FMN1: variants seen among roughly 807,000 people sequenced by gnomAD.
The protein encoded by FMN1 is formin-1.
Under a neutral mutation model 132.4 loss-of-function variants are expected in FMN1, and 110 were observed. The observed-to-expected ratio is 0.83, with a 90% CI of 0.71 to 0.97. The LOEUF (loss-of-function observed/expected upper bound fraction) is 0.97, where lower values mean the gene tolerates loss of function less well. Ranked by LOEUF, FMN1 falls within the 50% of genes least tolerant of loss-of-function variation. The pLI is 0.00. For missense variants in FMN1, 1,792 were observed against 1,705.3 expected, an observed-to-expected ratio of 1.05 and a Z score of -0.90; for synonymous variants, 722 against 651.7, an observed-to-expected ratio of 1.11 and a Z score of -1.64.
chr15:33,032,158 G>A (rs1431601704), intron 6 of FMN1, among the ~76,000 whole-genome samples: 1 of 152,154 alleles, frequency 6.6e-6, no homozygotes, highest in Non-Finnish European at 1.5e-5. Context: ...TATTCCACTT[G>A]TAGGACACTT....
chr15:32,777,320 C>G (rs940634124), intron 19 of FMN1, among the ~76,000 whole-genome samples: 1 of 151,396 alleles, frequency 6.6e-6, no homozygotes, highest in Non-Finnish European at 1.5e-5. Flanking sequence ...CTAAAATTCA[C>G]GAATTCACAT....
At chr15:32,878,332 T>C (rs905485873) in intron 16 of FMN1, among the ~76,000 whole-genome samples, 2 of 152,156 alleles carry the variant, frequency 1.3e-5, no homozygotes, top group African/African-American at 4.8e-5. Flanking sequence ...GAGGTTGGAT[T>C]TGATTCCAAG....
At chr15:33,115,985 G>C (rs190787636) in intron 4 of FMN1, among the ~76,000 whole-genome samples, 25 of 152,092 alleles carry the variant, frequency 1.6e-4, no homozygotes, top group African/African-American at 5.3e-4. Context: ...GGTAGCTTTG[G>C]GCTGGGCTGA....
intron 6 of FMN1, among the ~76,000 whole-genome samples, chr15:33,058,257 A>G (rs2037325375): frequency 6.6e-6 from 1 of 152,146 alleles, no homozygotes; most frequent in South Asian, 2.1e-4. Flanking sequence ...AATTATGAGA[A>G]AGACGACGAC....
chr15:33,179,564 A>G (rs1166572792), intron 3 of FMN1, among the ~76,000 whole-genome samples: 1 of 152,128 alleles, frequency 6.6e-6, no homozygotes, highest in East Asian at 1.9e-4. Context: ...CCTTTCCCTG[A>G]GGCATCTGTC....
chr15:33,002,111 A>C (rs1272347163), intron 7 of FMN1, among the ~76,000 whole-genome samples: 1 of 152,208 alleles, frequency 6.6e-6, no homozygotes, highest in Non-Finnish European at 1.5e-5. Context: ...TTTAAATTCT[A>C]TGAAAACATT....
At chr15:32,947,462 A>G (rs527568485) in intron 9 of FMN1, among the ~76,000 whole-genome samples, 1 of 152,076 alleles carries the variant, frequency 6.6e-6, no homozygotes, top group Non-Finnish European at 1.5e-5. Context: ...ATGAGGTAGA[A>G]TATCTCCCAC....
intron 5 of FMN1, among the ~76,000 whole-genome samples, chr15:33,065,985 G>A (rs1203606790): frequency 2.6e-5 from 4 of 152,186 alleles, no homozygotes; most frequent in Non-Finnish European, 4.4e-5. Flanking sequence ...TACCCAGCCA[G>A]TAAATGGCAG....
Position 32,774,289 on chromosome 15 carries a change from T to A in FMN1, c.*21A>T, listed in dbSNP as rs1312010765. On this transcript the variant is annotated 3_prime_UTR_variant, in exon 21 of 21. Coordinates refer to ENST00000616417, the MANE Select transcript of FMN1 (RefSeq NM_001277313.2). ...GCAAGGTCCTCCACCTCCAGTGCCATCATTTCCATGTGTCTTCATCTTAGT... is the reference window on the plus strand; with the variant it reads ...GCAAGGTCCTCCACCTCCAGTGCCAACATTTCCATGTGTCTTCATCTTAGT... 12 of 1,593,756 alleles carry A rather than the reference T, an allele frequency of 7.5e-6. No individual in the cohort carries two copies. The highest frequency in any genetic ancestry group is 1.0e-5 in the Non-Finnish European group (12 of 1,166,408).
intron 20 of FMN1, among the ~76,000 whole-genome samples, chr15:32,776,010 A>G (rs2056404526): frequency 6.6e-6 from 1 of 152,130 alleles, no homozygotes; most frequent in Non-Finnish European, 1.5e-5. Context: ...AAAACAACTA[A>G]TATTTATTGA....
At chr15:33,052,197 A>G (rs11636078) in intron 6 of FMN1, among the ~76,000 whole-genome samples, 41,402 of 152,204 alleles carry the variant, frequency 0.27, 5,864 homozygotes, top group Non-Finnish European at 0.31. Context: ...TACTATACAT[A>G]ACTATGCTGG....
intron 5 of FMN1, among the ~76,000 whole-genome samples, chr15:33,079,012 G>C (rs1366783843): frequency 6.6e-6 from 1 of 152,258 alleles, no homozygotes; most frequent in Middle Eastern, 3.4e-3. Flanking sequence ...GTGAATTTTA[G>C]AGAAAATAAA....
At chr15:33,051,753 C>A (rs191363201) in intron 6 of FMN1, among the ~76,000 whole-genome samples, 6 of 152,290 alleles carry the variant, frequency 3.9e-5, no homozygotes. Context: ...GTACATGCAG[C>A]CCCTCCCAAG....
At chr15:33,166,560 C>T (rs1193376008) in intron 3 of FMN1, among the ~76,000 whole-genome samples, 1 of 152,062 alleles carries the variant, frequency 6.6e-6, no homozygotes, top group Non-Finnish European at 1.5e-5. Flanking sequence ...AGAAAAAATT[C>T]ATATCCCATC....
At chr15:32,898,960 G>T in intron 14 of FMN1, 67 bp from the exon 15 acceptor site, 1 of 1,087,866 alleles carries the variant, frequency 9.2e-7, no homozygotes, top group Non-Finnish European at 1.4e-6. Flanking sequence ...ACGGTTGAGA[G>T]GTGAAATCTC....
intron 4 of FMN1, among the ~76,000 whole-genome samples, chr15:33,141,926 G>A (rs965031575): frequency 3.3e-5 from 5 of 152,138 alleles, no homozygotes; most frequent in African/African-American, 1.2e-4. Context: ...AGTCTTGCAA[G>A]GGGGATCTGG....
chr15:33,143,347 T>A (rs1195084043), intron 4 of FMN1, among the ~76,000 whole-genome samples: 1 of 152,198 alleles, frequency 6.6e-6, no homozygotes, highest in Non-Finnish European at 1.5e-5. Context: ...GAAAAATGTG[T>A]CCCTGTTACC....
chr15:32,782,320 G>A (rs2056691841), intron 19 of FMN1, among the ~76,000 whole-genome samples: 1 of 152,042 alleles, frequency 6.6e-6, no homozygotes, highest in Non-Finnish European at 1.5e-5. Flanking sequence ...TTGTTTTTCT[G>A]ACTTAAACAA....
Position 33,158,959 on chromosome 15 carries a change from G to A in FMN1, c.-131-3914C>T, listed in dbSNP as rs1964784888. ...CCCAGCACTTTGGGAGCCTGAGGTGGGTGGATCACTTGAGTTCAAGACCAG... is the reference window on the plus strand; with the variant it reads ...CCCAGCACTTTGGGAGCCTGAGGTGAGTGGATCACTTGAGTTCAAGACCAG... On this transcript the variant is annotated intron_variant, in intron 3 of 20. Coordinates refer to ENST00000616417, the MANE Select transcript of FMN1 (RefSeq NM_001277313.2). Among the ~76,000 whole-genome samples the A allele has an allele frequency of 1.3e-5, 2 of 152,226 alleles. 1 individual carries two copies. Among genetic ancestry groups the A allele is most frequent in the Middle Eastern group, 6.8e-3 (2 of 294 alleles).
Sources: allele counts gnomAD v4.1 joint callset (sites outside exome capture counted in the v4.1 genomes callset), GRCh38; gene constraint gnomAD v4.1.1; transcripts MANE v1.5; gene names NCBI Gene and HGNC (gene_info 2026-07-23, HGNC 2026-07-21).